Variants in SPECC1 observed in about 807,000 individuals in gnomAD.
SPECC1 encodes sperm antigen with calponin homology and coiled-coil domains 1.
In SPECC1, 62 loss-of-function variants were observed where a neutral mutation model predicts 104.1. The ratio of observed to expected loss-of-function variants is 0.60; its 90% CI spans 0.49 to 0.74. The LOEUF (loss-of-function observed/expected upper bound fraction) is 0.74, where lower values mean the gene tolerates loss of function less well. Ranked by LOEUF, SPECC1 falls within the 30% of genes least tolerant of loss-of-function variation. The probability of loss-of-function intolerance (pLI) is 0.00; values close to 1 mark genes in which losing one functional copy is unlikely to be tolerated. For synonymous variants in SPECC1, 513 were observed against 501.6 expected, an observed-to-expected ratio of 1.02 and a Z score of -0.30; for missense variants, 1,306 against 1,310.5, an observed-to-expected ratio of 1.00 and a Z score of 0.05.
chr17:20,099,501 T>C (rs1253526228), intron 2 of SPECC1, among the ~76,000 whole-genome samples: 1 of 123,460 alleles, frequency 8.1e-6, no homozygotes, highest in Admixed American at 9.2e-5. Flanking sequence ...GGTGAAATCC[T>C]GTCTTTACCC....
At chr17:20,219,405 C>G (rs1465315053) in intron 4 of SPECC1, among the ~76,000 whole-genome samples, 1 of 152,044 alleles carries the variant, frequency 6.6e-6, no homozygotes, top group Non-Finnish European at 1.5e-5. Context: ...TTTTGACTTG[C>G]ATTTGCATTT....
At chr17:20,276,010 T>G (rs2040563222) in intron 12 of SPECC1, among the ~76,000 whole-genome samples, 1 of 152,358 alleles carries the variant, frequency 6.6e-6, no homozygotes, top group Non-Finnish European at 1.5e-5. Flanking sequence ...ATCTAGAAGC[T>G]TACATTTTAT....
chr17:20,129,181 GT>G (rs553889007), intron 3 of SPECC1, among the ~76,000 whole-genome samples: 1 of 136,426 alleles, frequency 7.3e-6, no homozygotes, highest in Non-Finnish European at 1.6e-5. Flanking sequence ...GGCCTGTTTT[GT>G]TTTTTTTTGT....
At chr17:20,210,173 G>A (rs1397659970) in intron 4 of SPECC1, among the ~76,000 whole-genome samples, 1 of 152,226 alleles carries the variant, frequency 6.6e-6, no homozygotes, top group Non-Finnish European at 1.5e-5. Context: ...CTGTGACATT[G>A]GAATAGGATG....
At chr17:20,065,528 G>T (rs2046328849) in intron 1 of SPECC1, among the ~76,000 whole-genome samples, 1 of 152,216 alleles carries the variant, frequency 6.6e-6, no homozygotes, top group African/African-American at 2.4e-5. Flanking sequence ...ATGGGGAAGG[G>T]CATAGAGCTT....
At chr17:20,262,196 A>G (rs947333639) in intron 12 of SPECC1, among the ~76,000 whole-genome samples, 4 of 152,164 alleles carry the variant, frequency 2.6e-5, no homozygotes, top group African/African-American at 9.7e-5. Context: ...ACCATTATTT[A>G]TCCATTCGAT....
chr17:20,275,236 ACT>A (rs1284080190), intron 12 of SPECC1, among the ~76,000 whole-genome samples: 4 of 151,894 alleles, frequency 2.6e-5, no homozygotes, highest in Non-Finnish European at 5.9e-5. Flanking sequence ...CCTGAAGGAA[ACT>A]CTACTTGATT....
chr17:20,277,055 C>T (rs969470438), intron 12 of SPECC1, among the ~76,000 whole-genome samples: 2 of 152,216 alleles, frequency 1.3e-5, no homozygotes, highest in African/African-American at 4.8e-5. Flanking sequence ...TTGGAGGAGT[C>T]GGGCTCGGAT....
intron 14 of SPECC1, among the ~76,000 whole-genome samples, chr17:20,309,815 C>CTTTTTTTT (rs763244105): frequency 1.9e-5 from 2 of 103,374 alleles, no homozygotes; most frequent in Non-Finnish European, 1.9e-5. Context: ...TTCTCCTTTT[C>CTTTTTTTT]TTTTTTTTTT....
intron 1 of SPECC1, among the ~76,000 whole-genome samples, chr17:20,073,254 G>T (rs2046630753): frequency 6.6e-6 from 1 of 152,050 alleles, no homozygotes; most frequent in East Asian, 1.9e-4. Context: ...AAGGTGGTGG[G>T]GCGTGGCTGA....
chr17:20,219,885 T>A (rs2037751395), intron 4 of SPECC1, among the ~76,000 whole-genome samples: 1 of 152,192 alleles, frequency 6.6e-6, no homozygotes, highest in East Asian at 1.9e-4. Context: ...AGTTTCATTC[T>A]TCTGCTCATG....
intron 1 of SPECC1, among the ~76,000 whole-genome samples, chr17:20,085,084 C>T (rs1312015475): frequency 1.3e-5 from 2 of 152,180 alleles, no homozygotes; most frequent in Non-Finnish European, 2.9e-5. Context: ...TTAGAGTGGC[C>T]TTGGGCAGGC....
chr17:20,015,584 A>ATCTTTTT (rs1250697118), intron 1 of SPECC1, among the ~76,000 whole-genome samples: 8 of 102,072 alleles, frequency 7.8e-5, no homozygotes, highest in Non-Finnish European at 1.2e-4. Flanking sequence ...CCGGGTCTCT[A>ATCTTTTT]TTTTTTTTTT....
intron 1 of SPECC1, among the ~76,000 whole-genome samples, chr17:20,018,682 A>C (rs1476066564): frequency 6.6e-6 from 1 of 152,244 alleles, no homozygotes; most frequent in Non-Finnish European, 1.5e-5. Flanking sequence ...AAAGGATACA[A>C]AGCACAATCA....
chr17:20,107,587 G>A (rs1365587868), intron 2 of SPECC1, among the ~76,000 whole-genome samples: 1 of 151,670 alleles, frequency 6.6e-6, no homozygotes. Context: ...CTCCCGAGTA[G>A]CTGGGATTAC....
intron 3 of SPECC1, among the ~76,000 whole-genome samples, chr17:20,161,091 A>C (rs1597849308): frequency 6.6e-6 from 1 of 152,170 alleles, no homozygotes; most frequent in Non-Finnish European, 1.5e-5. Context: ...GGCACCTGTA[A>C]TCCGAGCTAC....
At chr17:20,138,959 G>T (rs1196518947) in intron 3 of SPECC1, among the ~76,000 whole-genome samples, 3 of 152,180 alleles carry the variant, frequency 2.0e-5, no homozygotes, top group African/African-American at 7.2e-5. Flanking sequence ...AATAGGGCCA[G>T]ATTTTGACTA....
At chr17:20,082,654 C>CT (rs1380689352) in intron 1 of SPECC1, among the ~76,000 whole-genome samples, 43 of 152,266 alleles carry the variant, frequency 2.8e-4, no homozygotes, top group African/African-American at 1.0e-3. Flanking sequence ...GGTTATCCCT[C>CT]TGTGTGTGCC....
intron 1 of SPECC1, among the ~76,000 whole-genome samples, chr17:20,049,832 A>T (rs1007784156): frequency 2.7e-5 from 4 of 150,672 alleles, no homozygotes; most frequent in Non-Finnish European, 5.9e-5. Flanking sequence ...TTTATTTATT[A>T]ATTTTTTTGA....
Sources: gnomAD v4.1 joint callset for allele counts (sites outside exome capture counted in the v4.1 genomes callset) on GRCh38, gnomAD v4.1.1 for gene constraint, MANE v1.5 for transcripts, NCBI Gene and HGNC (gene_info 2026-07-23, HGNC 2026-07-21) for gene names.